Variants in SS18L1 observed in about 807,000 individuals in gnomAD.
The protein encoded by SS18L1 is calcium-responsive transactivator.
A neutral mutation model predicts 70.3 loss-of-function variants in SS18L1; 32 were observed. The observed-to-expected ratio is 0.46, with a 90% CI of 0.34 to 0.61. The LOEUF is 0.61. SS18L1 is among the 20% of genes least tolerant of loss of function. The pLI is 0.01. For missense variants in SS18L1, 430 were observed against 542.1 expected (o/e 0.79, Z 2.05); for synonymous variants, 237 against 229.7 (o/e 1.03, Z -0.29).
intron 10 of SS18L1, among the ~76,000 whole-genome samples, chr20:62,176,458 A>T (rs1431509084): frequency 3.3e-5 from 5 of 152,222 alleles, no homozygotes; most frequent in African/African-American, 1.2e-4. Context: ...GGCTGTAGTG[A>T]GTCGTGATTG....
rs201677571 is a variant in SS18L1 at position 62,167,038 on chromosome 20, G to GTTTTTTTTTTT, written c.916+1527_916+1528insTTTTTTTTTTT. 4.3e-3 allele frequency among the ~76,000 whole-genome samples: 471 copies of GTTTTTTTTTTT among 110,794 alleles called. 25 individuals are homozygous for GTTTTTTTTTTT. The highest frequency in any genetic ancestry group is 8.5e-3 in the East Asian group (28 of 3,288). The allele number at this position is 110,794 out of a possible 152,430, so 72.7% of individuals were successfully genotyped here. A position where few individuals can be genotyped will look rare whatever the true frequency, so the allele number is the denominator to read the frequency against. On this transcript the variant is annotated intron_variant, in intron 8 of 10. Transcript: ENST00000331758. ...GAGGATTGCTTGAGCTCAGGAGTTT[G>GTTTTTTTTTTT]TTTGTTTTTTTTTTTTTTTTTTTTT... is the stretch of plus-strand genomic sequence containing the variant.
chr20:62,148,449 T>C (rs1600986851), intron 1 of SS18L1, among the ~76,000 whole-genome samples: 1 of 137,438 alleles, frequency 7.3e-6, no homozygotes, highest in Middle Eastern at 4.9e-3. Context: ...CTTGGCCTCC[T>C]TGCTGTCTTA....
chr20:62,165,088 C>G (rs561852361), intron 7 of SS18L1, among the ~76,000 whole-genome samples: 2 of 152,286 alleles, frequency 1.3e-5, no homozygotes, highest in East Asian at 3.9e-4. Context: ...GGTTGGACAC[C>G]CCTGCCTGCG....
Position 62,179,230 on chromosome 20 carries a change from G to C in SS18L1, c.*22G>C. 1.9e-6 allele frequency: 3 copies of C among 1,614,142 alleles called. No individual in the cohort carries two copies. Among genetic ancestry groups the C allele is most frequent in the Non-Finnish European group, 2.5e-6 (3 of 1,179,988 alleles). On this transcript the variant is annotated 3_prime_UTR_variant, in exon 11 of 11. Transcript: ENST00000331758. ...GTAAGGGACACACATTCTGGCTGGAGCCCTTGTGGTAGCGTGTTCATCCAG... is the reference window on the plus strand; with the variant it reads ...GTAAGGGACACACATTCTGGCTGGACCCCTTGTGGTAGCGTGTTCATCCAG...
chr20:62,174,705 G>GAAAT lies in SS18L1; in HGVS notation c.1164+62_1164+63insAATA, dbSNP rs1568766947. On this transcript the variant is annotated intron_variant, in intron 10 of 10. Transcript: ENST00000331758. The surrounding 1 kb of genome is among the most constrained non-coding windows in gnomAD (Gnocchi z 4.1). ...GCCGCGCCTGTCGAGACATAATGAAGATTTCTCTTATGGCCATGAGGAATA... is the reference window on the plus strand; with the variant it reads ...GCCGCGCCTGTCGAGACATAATGAAGAAATATTTCTCTTATGGCCATGAGGAATA... 1.9e-6 allele frequency: 3 copies of GAAAT among 1,612,288 alleles called. No individual in the cohort carries two copies. Among genetic ancestry groups the GAAAT allele is most frequent in the Non-Finnish European group, 2.5e-6 (3 of 1,179,812 alleles).
In SS18L1 at chr20:62,165,045, G is replaced by A. The variant is rs114437680; in HGVS notation, c.824-377G>A. Among the ~76,000 whole-genome samples, 330 of 152,362 alleles carry A rather than the reference G, an allele frequency of 2.2e-3. 3 individuals carry two copies. The highest frequency in any genetic ancestry group is 7.5e-3 in the African/African-American group (314 of 41,590). ...CAGCAGGGCAAGCCACCCTGGCCAC[G>A]TGATGGTCACATGCAGCGAAGGCCT... is the stretch of plus-strand genomic sequence containing the variant. On this transcript the variant is annotated intron_variant, in intron 7 of 10. Transcript: ENST00000331758.
Position 62,163,891 on chromosome 20 carries a change from C to G in SS18L1, c.722-254C>G, listed in dbSNP as rs368488939. Reference sequence around the variant, plus strand: ...AAGAGTGTCACAGGCCGGGCTCATGCCTGTAGTCCGAGCACTTTGGGAGGC... The same window carrying G: ...AAGAGTGTCACAGGCCGGGCTCATGGCTGTAGTCCGAGCACTTTGGGAGGC... On this transcript the variant is annotated intron_variant, in intron 6 of 10. Coordinates refer to ENST00000331758, the MANE Select transcript of SS18L1 (RefSeq NM_198935.3). 7.9e-5 allele frequency among the ~76,000 whole-genome samples: 12 copies of G among 152,242 alleles called. No individual in the cohort carries two copies. The East Asian group carries it at 1.7e-3, about 22-fold the overall frequency.
chr20:62,179,967 G>A lies in SS18L1; in HGVS notation c.*759G>A, dbSNP rs912784838. On this transcript the variant is annotated 3_prime_UTR_variant, in exon 11 of 11. Transcript: ENST00000331758. ...ACAAATTGCCTAACCCAGGGCCAGC[G>A]GTATTGCTGAAGGAAAGGGGCAGCT... is the stretch of plus-strand genomic sequence containing the variant. The A allele has an allele frequency of 6.3e-5, 14 of 222,540 alleles. No individual in the cohort carries two copies. The highest frequency in any genetic ancestry group is 2.7e-4 in the African/African-American group (12 of 44,684). 13.8% of individuals were successfully genotyped at this position (222,540 alleles called of 1,614,324 possible). A position where few individuals can be genotyped will look rare whatever the true frequency, so the allele number is the denominator to read the frequency against.
At chr20:62,167,061 T>TTTG (rs2057448641) in intron 8 of SS18L1, among the ~76,000 whole-genome samples, 1 of 141,572 alleles carries the variant, frequency 7.1e-6, no homozygotes, top group Non-Finnish European at 1.5e-5. Flanking sequence ...TTTTTTTTTT[T>TTTG]TTGAGACGGA....
intron 1 of SS18L1, among the ~76,000 whole-genome samples, chr20:62,155,568 T>C (rs185533703): frequency 6.8e-4 from 103 of 152,102 alleles, no homozygotes; most frequent in Middle Eastern, 3.4e-3. Flanking sequence ...CTGCCTGCTA[T>C]GCTCAGGCAG....
chr20:62,146,640 G>A (rs972222083), intron 1 of SS18L1, among the ~76,000 whole-genome samples: 4 of 108,564 alleles, frequency 3.7e-5, no homozygotes, highest in East Asian at 2.5e-4. Context: ...ATGGAGTTTC[G>A]CTCTTGTTGC....
At chr20:62,163,158 G>A (rs552210217) in intron 5 of SS18L1, among the ~76,000 whole-genome samples, 3 of 152,170 alleles carry the variant, frequency 2.0e-5, no homozygotes, top group Non-Finnish European at 2.9e-5. Context: ...GAGGGGCTGG[G>A]GTGTTTCCCA....
At chr20:62,146,121 C>T (rs899494948) in intron 1 of SS18L1, among the ~76,000 whole-genome samples, 1 of 152,202 alleles carries the variant, frequency 6.6e-6, no homozygotes, top group African/African-American at 2.4e-5. Flanking sequence ...AGAAAGAGGT[C>T]TACACCTTGT....
At chr20:62,145,013 C>T (rs896575501) in intron 1 of SS18L1, among the ~76,000 whole-genome samples, 1 of 152,218 alleles carries the variant, frequency 6.6e-6, no homozygotes. Flanking sequence ...AATCTATCGC[C>T]TATTTTGAGA....
At position 62,161,519 on chromosome 20, in the gene SS18L1, G is replaced by C. The variant is rs2057329502; in HGVS notation, c.315G>C (p.Leu105=). 6.2e-7 allele frequency: 1 copy of C among 1,612,746 alleles called. No individual in the cohort carries two copies. Among genetic ancestry groups the C allele is most frequent in the African/African-American group, 1.3e-5 (1 of 75,048 alleles). The change falls in exon 4 of 11, where the codon CTG becomes CTC. Residue 105 remains leucine (L), a synonymous_variant. Transcript: ENST00000331758. This position sits in a 1 kb window ranked among gnomAD's most constrained non-coding sequence, Gnocchi z 4.4. The part of the protein sequence containing the change: ...SSQGLHSQGS[L]SDAISTGLPP... The stretch of plus-strand genomic sequence containing the variant: ...AGGGCCTGCACTCTCAGGGCAGCCT[G>C]AGTGACGCCATCAGCACGGGCCTGC...
At position 62,159,325 on chromosome 20, in the gene SS18L1, C is replaced by G. The variant is rs2057282898; in HGVS notation, c.147-552C>G. On this transcript the variant is annotated intron_variant, in intron 2 of 10. Transcript: ENST00000331758. This position sits in a 1 kb window ranked among gnomAD's most constrained non-coding sequence, Gnocchi z 4.4. ...GCTGTCCAAGTGGCCGTCAGACTGA[C>G]CTGGAGGTGGGAAGTGCGTGAATGG... 6.6e-6 allele frequency among the ~76,000 whole-genome samples: 1 copy of G among 152,200 alleles called. No homozygotes were observed. The highest frequency in any genetic ancestry group is 2.1e-4 in the South Asian group (1 of 4,832).
chr20:62,154,167 G>A, intron 1 of SS18L1: 1 of 266,840 alleles, frequency 3.7e-6, no homozygotes, highest in Non-Finnish European at 6.1e-6. Flanking sequence ...TGACTTCCCA[G>A]TTGTCCCGGT....
At chr20:62,177,634 A>G (rs2057643296) in intron 10 of SS18L1, among the ~76,000 whole-genome samples, 1 of 152,160 alleles carries the variant, frequency 6.6e-6, no homozygotes, top group African/African-American at 2.4e-5. Flanking sequence ...GGCTTTCACC[A>G]CAGGTCCGAT....
intron 1 of SS18L1, among the ~76,000 whole-genome samples, chr20:62,153,432 G>A (rs2057169397): frequency 1.3e-5 from 2 of 152,104 alleles, no homozygotes; most frequent in Non-Finnish European, 2.9e-5. Context: ...TTTGGAATGG[G>A]TTTAGGGCTG....
Sources: allele counts gnomAD v4.1 joint callset (sites outside exome capture counted in the v4.1 genomes callset), GRCh38; gene constraint gnomAD v4.1.1; non-coding constraint Gnocchi (gnomAD v3.1); transcripts MANE v1.5; gene names NCBI Gene and HGNC (gene_info 2026-07-23, HGNC 2026-07-21).